Variants in PRDM11 observed in about 807,000 individuals in gnomAD.
The protein encoded by PRDM11 is PR/SET domain 11.
Under a neutral mutation model 97.8 loss-of-function variants are expected in PRDM11, and 20 were observed. The ratio of observed to expected loss-of-function variants is 0.20; its 90% CI spans 0.14 to 0.30. The LOEUF is 0.30. Ranked by LOEUF, PRDM11 falls within the 10% of genes least tolerant of loss-of-function variation. The pLI, the probability that PRDM11 is intolerant of heterozygous loss-of-function variation, is 1.00. For synonymous variants in PRDM11, 599 were observed against 637.7 expected, an observed-to-expected ratio of 0.94 and a Z score of 0.91; for missense variants, 1,139 against 1,555.2, an observed-to-expected ratio of 0.73 and a Z score of 4.50.
chr11:45,154,736 G>C (rs1302936987), intron 1 of PRDM11, among the ~76,000 whole-genome samples: 2 of 152,112 alleles, frequency 1.3e-5, no homozygotes, highest in East Asian at 3.9e-4. Flanking sequence ...ACCTTCTCCC[G>C]ATCCCTGATC....
At chr11:45,157,534 G>A (rs1167992876) in intron 1 of PRDM11, among the ~76,000 whole-genome samples, 2 of 152,158 alleles carry the variant, frequency 1.3e-5, no homozygotes, top group Non-Finnish European at 2.9e-5. Flanking sequence ...GGGGACCTAC[G>A]CCTTAGAGGA....
intron 4 of PRDM11, among the ~76,000 whole-genome samples, chr11:45,190,366 G>A (rs565674541): frequency 6.6e-5 from 10 of 151,766 alleles, no homozygotes; most frequent in Non-Finnish European, 1.2e-4. Context: ...CAGGCTGGTC[G>A]CAAACTCCTG....
chr11:45,118,152 C>T lies in PRDM11; in HGVS notation c.96+22251C>T, dbSNP rs74714049. Among the ~76,000 whole-genome samples the T allele has an allele frequency of 4.1e-3, 625 of 152,198 alleles. 2 individuals carry two copies. Among genetic ancestry groups the T allele is most frequent in the Non-Finnish European group, 5.1e-3 (344 of 68,012 alleles). On this transcript the variant is annotated intron_variant, in intron 1 of 6. Transcript: ENST00000530656. The stretch of plus-strand genomic sequence containing the variant: ...AAAGAAGTCTTTGAAATTGCCATAA[C>T]CAAGAGGATCTTAAAGAGACTTGAC...
intron 1 of PRDM11, among the ~76,000 whole-genome samples, chr11:45,168,824 G>A (rs143123389): frequency 5.3e-5 from 8 of 152,308 alleles, no homozygotes; most frequent in South Asian, 2.1e-4. Context: ...TCTTTCAGTC[G>A]TGATCTTCCC....
At chr11:45,204,095 T>C (rs1468533563) in intron 4 of PRDM11, among the ~76,000 whole-genome samples, 1 of 152,210 alleles carries the variant, frequency 6.6e-6, no homozygotes, top group Non-Finnish European at 1.5e-5. Context: ...CCGATGGCAG[T>C]CTTTTTAGCA....
At chr11:45,120,783 C>T (rs1181352414) in intron 1 of PRDM11, among the ~76,000 whole-genome samples, 2 of 152,096 alleles carry the variant, frequency 1.3e-5, no homozygotes, top group East Asian at 3.9e-4. Context: ...TGTAGGTAAA[C>T]ATAAAACAAT....
intron 1 of PRDM11, among the ~76,000 whole-genome samples, chr11:45,129,560 TA>T (rs1217411735): frequency 6.6e-6 from 1 of 152,076 alleles, no homozygotes; most frequent in African/African-American, 2.4e-5. Flanking sequence ...TAAAATCAAA[TA>T]AGAATACATA....
chr11:45,137,679 G>GT (rs1852900958), intron 1 of PRDM11, among the ~76,000 whole-genome samples: 1 of 152,188 alleles, frequency 6.6e-6, no homozygotes, highest in African/African-American at 2.4e-5. Flanking sequence ...ACCCAGCAAG[G>GT]TTACAGTGAG....
At chr11:45,098,929 G>A (rs1851926781) in intron 1 of PRDM11, among the ~76,000 whole-genome samples, 1 of 152,192 alleles carries the variant, frequency 6.6e-6, no homozygotes, top group African/African-American at 2.4e-5. Context: ...GGATTCTGCA[G>A]CTCTAAAGAG....
intron 5 of PRDM11, chr11:45,214,141 C>T (rs1010581131): frequency 1.1e-5 from 2 of 186,918 alleles, no homozygotes; most frequent in South Asian, 1.2e-4. Flanking sequence ...TGTCCCATTC[C>T]AGGTTCCAGC....
At chr11:45,116,267 T>A (rs1387877753) in intron 1 of PRDM11, among the ~76,000 whole-genome samples, 13 of 152,198 alleles carry the variant, frequency 8.5e-5, no homozygotes. Context: ...TATAGAAGAT[T>A]ATGAATAACA....
intron 1 of PRDM11, among the ~76,000 whole-genome samples, chr11:45,139,568 C>CA (rs10594529): frequency 0.025 from 2,230 of 90,874 alleles, 9 homozygotes; most frequent in African/African-American, 0.039. Context: ...CTCCAACTCA[C>CA]AAAAAAAAAA....
chr11:45,108,882 T>C (rs930079836), intron 1 of PRDM11, among the ~76,000 whole-genome samples: 2 of 152,262 alleles, frequency 1.3e-5, no homozygotes, highest in African/African-American at 4.8e-5. Context: ...GTGTGAAATT[T>C]CTTTGAAGTC....
intron 1 of PRDM11, among the ~76,000 whole-genome samples, chr11:45,128,480 C>A (rs933847939): frequency 6.6e-6 from 1 of 152,106 alleles, no homozygotes; most frequent in Non-Finnish European, 1.5e-5. Flanking sequence ...TCCTATTCAG[C>A]CATCTTGGCT....
upstream of PRDM11, among the ~76,000 whole-genome samples, chr11:45,141,656 AAC>A (rs1590373534): frequency 6.6e-6 from 1 of 152,164 alleles, no homozygotes; most frequent in Non-Finnish European, 1.5e-5. Flanking sequence ...CAACCTGACC[AAC>A]AGATGCCAAA....
intron 4 of PRDM11, among the ~76,000 whole-genome samples, chr11:45,195,408 C>G (rs1290090490): frequency 5.9e-5 from 9 of 152,098 alleles, no homozygotes; most frequent in Admixed American, 5.9e-4. Context: ...CCTAGGCAAC[C>G]ACTAATCTAC....
intron 4 of PRDM11, among the ~76,000 whole-genome samples, chr11:45,184,205 A>G (rs1852619557): frequency 6.6e-6 from 1 of 152,218 alleles, no homozygotes; most frequent in African/African-American, 2.4e-5. Flanking sequence ...TACTGGATGA[A>G]GGTCAGTGTG....
chr11:45,169,522 C>T (rs1259563063), intron 1 of PRDM11, among the ~76,000 whole-genome samples: 1 of 152,244 alleles, frequency 6.6e-6, no homozygotes, highest in East Asian at 1.9e-4. Context: ...ATTTATTTCT[C>T]ATAACAGCCT....
intron 1 of PRDM11, among the ~76,000 whole-genome samples, chr11:45,148,041 G>A (rs946623511): frequency 1.3e-5 from 2 of 152,150 alleles, no homozygotes; most frequent in Non-Finnish European, 2.9e-5. Flanking sequence ...GAGGGAGGAA[G>A]GTTCGGGCTT....
Sources: allele counts gnomAD v4.1 joint callset (sites outside exome capture counted in the v4.1 genomes callset), GRCh38; gene constraint gnomAD v4.1.1; transcripts MANE v1.5; gene names NCBI Gene and HGNC (gene_info 2026-07-23, HGNC 2026-07-21).